Variants in TENM2 observed in about 807,000 individuals in gnomAD.
TENM2 encodes the protein teneurin-2.
A neutral mutation model predicts 245.2 loss-of-function variants in TENM2; 52 were observed. The observed-to-expected ratio is 0.21, with a 90% CI of 0.17 to 0.27. The LOEUF (loss-of-function observed/expected upper bound fraction) is 0.27, where lower values mean the gene tolerates loss of function less well. Among genes scored for constraint, TENM2 ranks in the 10% least tolerant of loss-of-function variants. The pLI, the probability that TENM2 is intolerant of heterozygous loss-of-function variation, is 1.00. For synonymous variants in TENM2, 1,363 were observed against 1,438.9 expected, an observed-to-expected ratio of 0.95 and a Z score of 1.19; for missense variants, 3,046 against 3,666.8, an observed-to-expected ratio of 0.83 and a Z score of 4.37.
chr5:167,645,779 A>C (rs747844077), intron 2 of TENM2, among the ~76,000 whole-genome samples: 29 of 152,104 alleles, frequency 1.9e-4, no homozygotes, highest in Non-Finnish European at 3.7e-4. Context: ...CTTTTCACAA[A>C]GGTTATTTCT....
At chr5:167,221,714 T>C in the TENM2 span, among the ~76,000 whole-genome samples, 1 of 152,220 alleles carries the variant, frequency 6.6e-6, no homozygotes, top group African/African-American at 2.4e-5. Context: ...AAGAAAGATG[T>C]ATTTGTTCAA....
intron 13 of TENM2, among the ~76,000 whole-genome samples, chr5:168,173,847 A>C (rs531097873): frequency 6.6e-6 from 1 of 152,236 alleles, no homozygotes; most frequent in Non-Finnish European, 1.5e-5. Flanking sequence ...CAAAATAGGT[A>C]CAGCTTGAAT....
Position 167,823,553 on chromosome 5 carries a change from T to C in TENM2, c.503-52433T>C, listed in dbSNP as rs111863758. 6.9e-3 allele frequency among the ~76,000 whole-genome samples: 1,057 copies of C among 152,202 alleles called. 15 individuals carry two copies. The highest frequency in any genetic ancestry group is 0.024 in the African/African-American group (1,008 of 41,530). On this transcript the variant is annotated intron_variant, in intron 2 of 28. Transcript: ENST00000518659. The stretch of plus-strand genomic sequence containing the variant: ...GATTTATGCAAGGGCAGTATTTTCT[T>C]TTGTGATGACAGGAGTGCGAATGGC...
intron 1 of TENM2, among the ~76,000 whole-genome samples, chr5:167,374,189 A>G (rs925848192): frequency 3.3e-5 from 5 of 152,356 alleles, no homozygotes; most frequent in East Asian, 1.9e-4. Flanking sequence ...TTGTAGGATT[A>G]TAATACTGTA....
intron 2 of TENM2, among the ~76,000 whole-genome samples, chr5:167,872,288 GAGAA>G (rs1346015918): frequency 8.7e-5 from 6 of 69,312 alleles, no homozygotes; most frequent in African/African-American, 3.5e-4. Flanking sequence ...AAAAAAGAAA[GAGAA>G]AGATAGAAAG....
the TENM2 span, among the ~76,000 whole-genome samples, chr5:167,085,992 TAGG>T: frequency 1.1e-3 from 174 of 152,296 alleles, no homozygotes; most frequent in African/African-American, 3.9e-3. Context: ...ACATGTTACC[TAGG>T]AGAAGTCTCA....
At chr5:168,260,407 T>C (rs1768075542) in exon 28 of TENM2, 1 of 1,613,858 alleles carries the variant, frequency 6.2e-7, no homozygotes, top group African/African-American at 1.3e-5. Flanking sequence ...CAAGTGAGAA[T>C]GGACAGGTAA....
At chr5:167,010,044 G>A in the TENM2 span, among the ~76,000 whole-genome samples, 21 of 152,308 alleles carry the variant, frequency 1.4e-4, no homozygotes, top group Admixed American at 2.6e-4. Flanking sequence ...ACCATAGGAA[G>A]TAAATAACGT....
chr5:168,126,638 C>T (rs1301274085), intron 11 of TENM2, 116 bp from the exon 14 acceptor site: 3 of 732,788 alleles, frequency 4.1e-6, no homozygotes, highest in Non-Finnish European at 6.7e-6. Context: ...CCAAAGATGA[C>T]AGAGCTGCTG....
chr5:167,805,560 T>C (rs1005842448), intron 2 of TENM2, among the ~76,000 whole-genome samples: 1 of 152,192 alleles, frequency 6.6e-6, no homozygotes, highest in African/African-American at 2.4e-5. Flanking sequence ...ATGGCTATTG[T>C]AGCTTCCCTG....
At chr5:167,904,668 T>C (rs560004944) in intron 3 of TENM2, among the ~76,000 whole-genome samples, 1 of 152,256 alleles carries the variant, frequency 6.6e-6, no homozygotes, top group East Asian at 1.9e-4. Flanking sequence ...TTTTTCTCAT[T>C]TCCCCCTGTG....
intron 2 of TENM2, among the ~76,000 whole-genome samples, chr5:167,769,871 A>AT (rs1208485466): frequency 1.3e-5 from 2 of 152,166 alleles, no homozygotes; most frequent in Admixed American, 6.5e-5. Flanking sequence ...CTGTGGGATT[A>AT]TTAGAGCTTG....
At chr5:167,840,981 C>T (rs936431784) in intron 2 of TENM2, among the ~76,000 whole-genome samples, 1 of 152,050 alleles carries the variant, frequency 6.6e-6, no homozygotes, top group Admixed American at 6.6e-5. Flanking sequence ...CCCAATTTGT[C>T]GGAGCAACCA....
intron 2 of TENM2, among the ~76,000 whole-genome samples, chr5:167,436,274 A>G (rs1403215615): frequency 6.6e-6 from 1 of 151,622 alleles, no homozygotes; most frequent in Non-Finnish European, 1.5e-5. Flanking sequence ...TTTAGTAGAG[A>G]CAGGATTTTC....
At chr5:168,009,469 A>G (rs1022368282) in intron 5 of TENM2, among the ~76,000 whole-genome samples, 2 of 152,194 alleles carry the variant, frequency 1.3e-5, no homozygotes, top group African/African-American at 2.4e-5. Context: ...TTGGGCAGAG[A>G]GGGCTAGACA....
chr5:167,073,478 G>A, the TENM2 span, among the ~76,000 whole-genome samples: 1 of 152,090 alleles, frequency 6.6e-6, no homozygotes, highest in Non-Finnish European at 1.5e-5. Flanking sequence ...TGCAGAAAAG[G>A]ATTTTCTTTT....
At chr5:168,137,953 G>A (rs1414734428) in intron 12 of TENM2, among the ~76,000 whole-genome samples, 1 of 152,096 alleles carries the variant, frequency 6.6e-6, no homozygotes, top group Non-Finnish European at 1.5e-5. Flanking sequence ...ACAGACAACA[G>A]TCTACCCAGG....
the TENM2 span, among the ~76,000 whole-genome samples, chr5:167,096,544 T>C: frequency 6.6e-6 from 1 of 152,188 alleles, no homozygotes; most frequent in Non-Finnish European, 1.5e-5. Flanking sequence ...GATTTCAATC[T>C]CTCCTCTATT....
At chr5:167,829,298 C>T (rs1768259757) in intron 2 of TENM2, among the ~76,000 whole-genome samples, 1 of 152,216 alleles carries the variant, frequency 6.6e-6, no homozygotes, top group African/African-American at 2.4e-5. Flanking sequence ...GAAACTGCCT[C>T]ATGTTCCTGG....
Sources: allele counts gnomAD v4.1 joint callset (sites outside exome capture counted in the v4.1 genomes callset), GRCh38; gene constraint gnomAD v4.1.1; transcripts MANE v1.5; gene names NCBI Gene and HGNC (gene_info 2026-07-23, HGNC 2026-07-21).